Variants in VPS41 observed in about 807,000 individuals in gnomAD.
VPS41 encodes VPS41 subunit of HOPS complex.
VPS41 carries 85 observed loss-of-function variants against 130.9 expected under a neutral mutation model. The ratio of observed to expected loss-of-function variants is 0.65; its 90% CI spans 0.55 to 0.78. VPS41 has a LOEUF of 0.78. Ranked by LOEUF, VPS41 falls within the 30% of genes least tolerant of loss-of-function variation. The pLI, the probability that VPS41 is intolerant of heterozygous loss-of-function variation, is 0.00. For missense variants in VPS41, 874 were observed against 1,018.7 expected (o/e 0.86, Z 1.93); for synonymous variants, 335 against 332.9 (o/e 1.01, Z -0.07).
intron 27 of VPS41, among the ~76,000 whole-genome samples, chr7:38,727,415 C>A (rs997090107): frequency 1.1e-4 from 17 of 152,228 alleles, no homozygotes; most frequent in Non-Finnish European, 1.3e-4. Context: ...CAAGCCCAGG[C>A]TGTGGTGACC....
rs574729514 is a variant in VPS41, at chr7:38,887,404, C to T, written c.60+10687G>A. 4.6e-5 allele frequency among the ~76,000 whole-genome samples: 7 copies of T among 152,228 alleles called. No individual in the cohort carries two copies. In the South Asian group the frequency reaches 8.3e-4, roughly 18 times the overall value. ...CATACACAAGCTTCAATAGCCAATT[C>T]GATCGGCTGGAAGAAAGGATATCAG... is the stretch of plus-strand genomic sequence containing the variant. On this transcript the variant is annotated intron_variant, in intron 2 of 28. Transcript: ENST00000310301.
At chr7:38,754,300 T>A (rs1783744559) in intron 21 of VPS41, among the ~76,000 whole-genome samples, 1 of 152,228 alleles carries the variant, frequency 6.6e-6, no homozygotes, top group Admixed American at 6.5e-5. Flanking sequence ...TACTGGCCTT[T>A]ACTGTGATAT....
rs777925433 is a variant in VPS41, at chr7:38,743,451, A to T, written c.2073T>A (p.Asp691Glu). 8 of 1,614,042 alleles carry T rather than the reference A, an allele frequency of 5.0e-6. No individual in the cohort carries two copies. The highest frequency in any genetic ancestry group is 6.8e-6 in the Non-Finnish European group (8 of 1,179,918). Reference sequence around the variant, plus strand: ...TCAAATCTTCCCACAGCTCTCCATCATCTTGCTCCTTGGCAAATTCGATTG... The same window carrying T: ...TCAAATCTTCCCACAGCTCTCCATCTTCTTGCTCCTTGGCAAATTCGATTG... ...DKAIEFAKEQ[D>E]DGELWEDLIL... Residue 691 changes from aspartate to glutamate, a missense_variant, in exon 24 of 29, where the codon GAT (aspartate) becomes GAA (glutamate). By Grantham distance (45) the Asp-to-Glu change is conservative. Coordinates refer to ENST00000310301, the MANE Select transcript of VPS41 (RefSeq NM_014396.4).
At position 38,723,701 on chromosome 7, in the gene VPS41, G is replaced by C. The variant is rs1795480863; in HGVS notation, c.*2545C>G. 9.9e-6 allele frequency: 1 copy of C among 101,298 alleles called. No homozygotes were observed. The highest frequency in any genetic ancestry group is 1.8e-5 in the Non-Finnish European group (1 of 56,772). The allele number at this position is 101,298 out of a possible 1,614,324, so 6.3% of individuals were successfully genotyped here. On this transcript the variant is annotated 3_prime_UTR_variant, in exon 29 of 29. Transcript: ENST00000310301. ...ATCATGTCACTGCACTCCAGCCAAG[G>C]CAACAGAACGAGACTCCATCTCAAA...
intron 12 of VPS41, 151 bp downstream of exon 12, chr7:38,773,964 C>A: frequency 2.8e-6 from 2 of 707,626 alleles, no homozygotes; most frequent in East Asian, 3.0e-5. Context: ...TCTCTGCATC[C>A]AAATGTCCTT....
chr7:38,814,177 T>G (rs1784994479), intron 7 of VPS41, among the ~76,000 whole-genome samples: 1 of 152,230 alleles, frequency 6.6e-6, no homozygotes, highest in East Asian at 1.9e-4. Flanking sequence ...TCTACGGATG[T>G]CTGCAAATGA....
chr7:38,906,688 A>T (rs1787275427), intron 1 of VPS41, among the ~76,000 whole-genome samples: 3 of 152,040 alleles, frequency 2.0e-5, no homozygotes, highest in Admixed American at 2.0e-4. Flanking sequence ...GAGAATGCCC[A>T]CTCCAACTAC....
chr7:38,728,231 A>C, intron 27 of VPS41: 2 of 544,014 alleles, frequency 3.7e-6, no homozygotes, highest in Non-Finnish European at 6.6e-6. Context: ...ACTTGTTAGA[A>C]ATATACATTC....
At chr7:38,894,173 A>G (rs556014901) in intron 2 of VPS41, among the ~76,000 whole-genome samples, 8 of 152,330 alleles carry the variant, frequency 5.3e-5, no homozygotes, top group South Asian at 2.1e-4. Context: ...AAGAGATGAT[A>G]GAGAACGAAG....
chr7:38,838,290 G>A (rs565160538), intron 4 of VPS41, among the ~76,000 whole-genome samples: 1 of 152,062 alleles, frequency 6.6e-6, no homozygotes, highest in African/African-American at 2.4e-5. Flanking sequence ...CAAACATAGA[G>A]GGAAACCTTC....
chr7:38,754,029 G>C (rs1221902665), intron 21 of VPS41, among the ~76,000 whole-genome samples: 5 of 152,150 alleles, frequency 3.3e-5, no homozygotes, highest in Non-Finnish European at 7.3e-5. Flanking sequence ...AACTTTTAAA[G>C]GACATAGAAA....
At chr7:38,898,683 C>T (rs1787069513) in intron 1 of VPS41, among the ~76,000 whole-genome samples, 1 of 152,184 alleles carries the variant, frequency 6.6e-6, no homozygotes, top group Admixed American at 6.5e-5. Context: ...ACAAATTCTG[C>T]CATTTAACAC....
intron 4 of VPS41, among the ~76,000 whole-genome samples, chr7:38,831,703 T>TA (rs1785390360): frequency 6.6e-6 from 1 of 152,260 alleles, no homozygotes; most frequent in Admixed American, 6.5e-5. Context: ...CAAGATCTGT[T>TA]ATTCAACCCC....
At chr7:38,797,154 A>G in intron 7 of VPS41, 1 of 233,846 alleles carries the variant, frequency 4.3e-6, no homozygotes, top group Non-Finnish European at 8.5e-6. Context: ...CACATTAGTT[A>G]ATCAAAAGAT....
At chr7:38,758,121 C>T (rs1410448869) in intron 18 of VPS41, among the ~76,000 whole-genome samples, 3 of 152,116 alleles carry the variant, frequency 2.0e-5, no homozygotes, top group African/African-American at 7.2e-5. Flanking sequence ...CTCTCCCAAG[C>T]GCTGTGCGTT....
Position 38,771,082 on chromosome 7 carries a change from G to A in VPS41, c.1185+116C>T. On this transcript the variant is annotated intron_variant, in intron 14 of 28. Transcript: ENST00000310301. ...TTTGATCTCATAGGTTAGGGAATTA[G>A]TTTAAAATAAATTCTCAAAAGATAG... 3 of 792,492 alleles carry A rather than the reference G, an allele frequency of 3.8e-6. 1 individual carries two copies. Among genetic ancestry groups the A allele is most frequent in the South Asian group, 3.3e-5 (2 of 61,398 alleles). 49.1% of individuals were successfully genotyped at this position (792,492 alleles called of 1,614,324 possible).
At chr7:38,745,665 A>C (rs1795972593) in intron 22 of VPS41, 52 bp from the exon 23 acceptor site, 1 of 1,347,836 alleles carries the variant, frequency 7.4e-7, no homozygotes, top group Admixed American at 2.0e-5. Flanking sequence ...AATAAGAACA[A>C]ACAGTAATAA....
chr7:38,726,669 A>T (rs1249061395), intron 28 of VPS41, among the ~76,000 whole-genome samples: 1 of 152,262 alleles, frequency 6.6e-6, no homozygotes, highest in African/African-American at 2.4e-5. Flanking sequence ...GACAGCTGTC[A>T]ACTGGGCCTG....
chr7:38,757,841 G>T (rs768978738), intron 18 of VPS41, among the ~76,000 whole-genome samples: 1 of 152,048 alleles, frequency 6.6e-6, no homozygotes, highest in Non-Finnish European at 1.5e-5. Context: ...TAAGCGTCTC[G>T]CACAAAGCCT....
Sources: allele counts gnomAD v4.1 joint callset (sites outside exome capture counted in the v4.1 genomes callset), GRCh38; gene constraint gnomAD v4.1.1; transcripts MANE v1.5; gene names NCBI Gene and HGNC (gene_info 2026-07-23, HGNC 2026-07-21).